SMCO4: variants seen among roughly 807,000 people sequenced by gnomAD.
The protein encoded by SMCO4 is single-pass membrane and coiled-coil domain-containing protein 4.
A neutral mutation model predicts 3.6 loss-of-function variants in SMCO4; 4 were observed. That is an observed-to-expected ratio of 1.11 (90% CI 0.54 to 2.53). The LOEUF (loss-of-function observed/expected upper bound fraction) is 2.53, where lower values mean the gene tolerates loss of function less well. SMCO4 is among the 30% of genes most tolerant of loss of function. The pLI is 0.02. For synonymous variants in SMCO4, 36 were observed against 35.3 expected, an observed-to-expected ratio of 1.02 and a Z score of -0.07; for missense variants, 70 against 80.8, an observed-to-expected ratio of 0.87 and a Z score of 0.51.
chr11:93,539,752 A>T (rs181440371), intron 1 of SMCO4, among the ~76,000 whole-genome samples: 1 of 152,244 alleles, frequency 6.6e-6, no homozygotes, highest in East Asian at 1.9e-4. Flanking sequence ...GTCCCAAAAG[A>T]GGGCCTTAAA....
chr11:93,536,255 A>G (rs1032641365), intron 1 of SMCO4, among the ~76,000 whole-genome samples: 3 of 152,232 alleles, frequency 2.0e-5, no homozygotes, highest in Non-Finnish European at 4.4e-5. Flanking sequence ...ACATCTCTTG[A>G]GAGCATAGTA....
At chr11:93,498,035 T>G (rs1192114591) in intron 2 of SMCO4, among the ~76,000 whole-genome samples, 3 of 152,146 alleles carry the variant, frequency 2.0e-5, no homozygotes, top group Non-Finnish European at 2.9e-5. Flanking sequence ...TTGCGAAGTC[T>G]CACAGGATTC....
intron 1 of SMCO4, among the ~76,000 whole-genome samples, chr11:93,530,234 C>T (rs576320298): frequency 6.6e-6 from 1 of 152,252 alleles, no homozygotes; most frequent in Admixed American, 6.5e-5. Context: ...GGGGAAGAGC[C>T]CACCAGTTCA....
At chr11:93,534,355 T>TAC (rs1479171851) in intron 1 of SMCO4, among the ~76,000 whole-genome samples, 13 of 97,402 alleles carry the variant, frequency 1.3e-4, no homozygotes, top group Non-Finnish European at 2.2e-4. Flanking sequence ...TATATACACA[T>TAC]ACATATATAT....
rs1228151712 is a variant in SMCO4, at chr11:93,535,657, A to G, written c.-154+7619T>C. On this transcript the variant is annotated intron_variant, in intron 1 of 2. Coordinates refer to ENST00000298966, the MANE Select transcript of SMCO4 (RefSeq NM_020179.3). ...GTGTCTGTTAAGAGCTACCGATGGGAAAAAGAAGATCAGCACAGTGGTGAG... is the reference window on the plus strand; with the variant it reads ...GTGTCTGTTAAGAGCTACCGATGGGGAAAAGAAGATCAGCACAGTGGTGAG... 20 of 1,606,400 alleles carry G rather than the reference A, an allele frequency of 1.2e-5. No homozygotes were observed. In the South Asian group the frequency reaches 1.5e-4, roughly 12 times the overall value.
At chr11:93,551,823 G>A in the SMCO4 span, among the ~76,000 whole-genome samples, 2 of 152,136 alleles carry the variant, frequency 1.3e-5, no homozygotes, top group Non-Finnish European at 2.9e-5. Flanking sequence ...GCCAAATTAG[G>A]CAAAGTAAGC....
rs745996330 is a variant in SMCO4, at chr11:93,478,993, G to T, written c.*17C>A. ...CCTCCTCTCCCTGCCGATGGGGTCC[G>T]CAGCCGGCTGCGGGGCTCACTCGGT... On this transcript the variant is annotated 3_prime_UTR_variant, in exon 3 of 3. Transcript: ENST00000298966. 1 of 1,589,744 alleles carries T rather than the reference G, an allele frequency of 6.3e-7. No homozygotes were observed.
upstream of SMCO4, among the ~76,000 whole-genome samples, chr11:93,546,089 G>T (rs1056094445): frequency 6.6e-6 from 1 of 152,156 alleles, no homozygotes; most frequent in African/African-American, 2.4e-5. Flanking sequence ...TAAGTGTTAG[G>T]GTGGTTTGTT....
chr11:93,489,666 T>C (rs1202169671), intron 2 of SMCO4, among the ~76,000 whole-genome samples: 4 of 152,194 alleles, frequency 2.6e-5, no homozygotes, highest in African/African-American at 7.2e-5. Context: ...GAGGATGACA[T>C]GAGATTACAA....
upstream of SMCO4, among the ~76,000 whole-genome samples, chr11:93,546,068 T>C (rs764185986): frequency 6.6e-6 from 1 of 152,228 alleles, no homozygotes. Context: ...ATGGTGGTTG[T>C]TTCAAATCAC....
chr11:93,530,872 T>C (rs1230408470), intron 1 of SMCO4, among the ~76,000 whole-genome samples: 4 of 152,134 alleles, frequency 2.6e-5, no homozygotes, highest in Non-Finnish European at 5.9e-5. Context: ...ACTCTTCCAC[T>C]TTTTCAGCAG....
chr11:93,520,424 C>T (rs968240669), intron 1 of SMCO4, among the ~76,000 whole-genome samples: 3 of 152,174 alleles, frequency 2.0e-5, no homozygotes, highest in Non-Finnish European at 4.4e-5. Flanking sequence ...CTCTTATTAA[C>T]CCACTTTACA....
At chr11:93,512,848 A>G (rs1234710056) in intron 1 of SMCO4, among the ~76,000 whole-genome samples, 2 of 152,214 alleles carry the variant, frequency 1.3e-5, no homozygotes, top group African/African-American at 4.8e-5. Flanking sequence ...ACTACAATAC[A>G]ATACAGGGCA....
intron 1 of SMCO4, among the ~76,000 whole-genome samples, chr11:93,524,096 T>C (rs1949084380): frequency 6.6e-6 from 1 of 152,166 alleles, no homozygotes; most frequent in Non-Finnish European, 1.5e-5. Context: ...CTTCAAGCCA[T>C]CCTGGTTGAA....
At chr11:93,483,424 G>A (rs1379532374) in intron 2 of SMCO4, among the ~76,000 whole-genome samples, 1 of 152,194 alleles carries the variant, frequency 6.6e-6, no homozygotes, top group East Asian at 1.9e-4. Flanking sequence ...TGGGCCAACT[G>A]GCCTCTACTT....
chr11:93,479,699 G>A (rs1948569449), intron 2 of SMCO4, among the ~76,000 whole-genome samples: 1 of 152,200 alleles, frequency 6.6e-6, no homozygotes. Flanking sequence ...GCAGTCTCCA[G>A]GCACGTAGCC....
At chr11:93,498,088 TTAAAAGCCTCACACTGAAGCCCA>T (rs1234286175) in intron 2 of SMCO4, among the ~76,000 whole-genome samples, 1 of 152,076 alleles carries the variant, frequency 6.6e-6, no homozygotes, top group African/African-American at 2.4e-5. Flanking sequence ...GATATACATA[TTAAAAGCCTCACACTGAAGCCCA>T]ATACACGTCA....
chr11:93,495,404 C>T (rs1948762292), intron 2 of SMCO4, among the ~76,000 whole-genome samples: 1 of 152,038 alleles, frequency 6.6e-6, no homozygotes, highest in South Asian at 2.1e-4. Context: ...AGATGAAATT[C>T]AGGTACGTGC....
chr11:93,493,356 C>G (rs11020379), intron 2 of SMCO4, among the ~76,000 whole-genome samples: 48,992 of 151,968 alleles, frequency 0.32, 8,354 homozygotes, highest in East Asian at 0.44. Flanking sequence ...TCACCTTCTA[C>G]TCCACCTTCC....
Sources: allele counts gnomAD v4.1 joint callset (sites outside exome capture counted in the v4.1 genomes callset), GRCh38; gene constraint gnomAD v4.1.1; transcripts MANE v1.5; gene names NCBI Gene and HGNC (gene_info 2026-07-23, HGNC 2026-07-21).